The following TEX36 variants were observed in gnomAD, a reference collection of about 807,000 sequenced individuals.
TEX36 encodes testis expressed 36.
TEX36 carries 12 observed loss-of-function variants against 13.6 expected under a neutral mutation model. The ratio of observed to expected loss-of-function variants is 0.88; its 90% confidence interval spans 0.56 to 1.43. The LOEUF is 1.43. TEX36 is among the 40% of genes most tolerant of loss of function. TEX36 has a pLI of 0.00. For missense variants in TEX36, 224 were observed against 228.3 expected, an observed-to-expected ratio of 0.98 and a Z score of 0.12; for synonymous variants, 93 against 83.0, an observed-to-expected ratio of 1.12 and a Z score of -0.65.
At chr10:125,630,081 TACA>T (rs1846533815) in intron 3 of TEX36, among the ~76,000 whole-genome samples, 5 of 152,366 alleles carry the variant, frequency 3.3e-5, no homozygotes, top group East Asian at 1.9e-4. Flanking sequence ...TCTGATTCTT[TACA>T]ACAAGTGTTT....
intron 1 of TEX36, among the ~76,000 whole-genome samples, chr10:125,676,387 TG>T (rs970485719): frequency 1.3e-5 from 2 of 152,238 alleles, no homozygotes; most frequent in Admixed American, 6.5e-5. Context: ...TTTTTTTTAC[TG>T]TTCTTGACTT....
downstream of TEX36, among the ~76,000 whole-genome samples, chr10:125,655,393 C>T (rs1438835676): frequency 6.6e-6 from 1 of 152,018 alleles, no homozygotes; most frequent in Non-Finnish European, 1.5e-5. Flanking sequence ...TGCAATGAGT[C>T]GAGATGGTGC....
chr10:125,598,973 GA>G (rs1226864988), intron 3 of TEX36, among the ~76,000 whole-genome samples: 2 of 151,968 alleles, frequency 1.3e-5, no homozygotes, highest in African/African-American at 4.8e-5. Flanking sequence ...CCATAAATTG[GA>G]AATTTCCTCT....
chr10:125,674,624 A>G (rs1325940605), intron 1 of TEX36, among the ~76,000 whole-genome samples: 1 of 151,964 alleles, frequency 6.6e-6, no homozygotes, highest in African/African-American at 2.4e-5. Flanking sequence ...TTTTTTGTTG[A>G]TGCTATTGTT....
chr10:125,588,578 G>A (rs371584953), intron 3 of TEX36, among the ~76,000 whole-genome samples: 4 of 143,718 alleles, frequency 2.8e-5, no homozygotes, highest in African/African-American at 5.4e-5. Flanking sequence ...AGAAGCGGGA[G>A]GCCCCAGGCT....
intron 1 of TEX36, among the ~76,000 whole-genome samples, chr10:125,671,062 G>T (rs1325325298): frequency 6.6e-6 from 1 of 151,902 alleles, no homozygotes; most frequent in Non-Finnish European, 1.5e-5. Context: ...CTAGATATGG[G>T]ATCATGCCAT....
At position 125,665,317 on chromosome 10, in the gene TEX36, T is replaced by C. The variant is rs142987304; in HGVS notation, c.52-3340A>G. 4.0e-3 allele frequency among the ~76,000 whole-genome samples: 602 copies of C among 152,266 alleles called. 5 individuals carry two copies. The highest frequency in any genetic ancestry group is 0.013 in the African/African-American group (548 of 41,584). On this transcript the variant is annotated intron_variant, in intron 1 of 3. Coordinates refer to ENST00000368821, the MANE Select transcript of TEX36 (RefSeq NM_001128202.3). ...GGAGATCTTAGTCATAAATTTTTTG[T>C]CTAAACCAAGGTTCAGAAGAGTTTT...
chr10:125,655,479 T>C (rs917892891), downstream of TEX36, among the ~76,000 whole-genome samples: 4 of 152,178 alleles, frequency 2.6e-5, no homozygotes, highest in Non-Finnish European at 5.9e-5. Context: ...TTTTGCACTG[T>C]GTAACATAGT....
At chr10:125,596,123 G>A (rs1183074205) in intron 3 of TEX36, among the ~76,000 whole-genome samples, 3 of 152,226 alleles carry the variant, frequency 2.0e-5, no homozygotes, top group African/African-American at 7.2e-5. Context: ...CATGAGAAAT[G>A]TGCTGATGTA....
intron 3 of TEX36, among the ~76,000 whole-genome samples, chr10:125,616,335 T>C (rs1486324712): frequency 6.7e-6 from 1 of 149,266 alleles, no homozygotes; most frequent in African/African-American, 2.5e-5. Context: ...AGCTTTTGAA[T>C]GTGTTTGCTC....
chr10:125,630,750 G>A (rs1360370375), intron 3 of TEX36, among the ~76,000 whole-genome samples: 1 of 152,200 alleles, frequency 6.6e-6, no homozygotes, highest in African/African-American at 2.4e-5. Context: ...CTGCGAGCCA[G>A]TGTGGAGGGT....
downstream of TEX36, among the ~76,000 whole-genome samples, chr10:125,652,015 A>C (rs573102309): frequency 6.6e-6 from 1 of 152,376 alleles, no homozygotes; most frequent in African/African-American, 2.4e-5. Context: ...ATGGAAGAAC[A>C]TTCCATGCTC....
intron 3 of TEX36, among the ~76,000 whole-genome samples, chr10:125,624,549 G>A (rs2133562475): frequency 6.6e-6 from 1 of 152,142 alleles, no homozygotes; most frequent in East Asian, 1.9e-4. Context: ...GCCAGTCAGA[G>A]GTGCCATACA....
chr10:125,638,429 C>G (rs1037219771), intron 3 of TEX36, among the ~76,000 whole-genome samples: 1 of 152,138 alleles, frequency 6.6e-6, no homozygotes, highest in African/African-American at 2.4e-5. Flanking sequence ...GAGAAGGTCT[C>G]AGCTCAACGC....
Position 125,683,144 on chromosome 10 carries a change from C to T in TEX36, c.-155G>A, listed in dbSNP as rs1029508853. ...CTGATCTTTACTTCTCAGCCTCTTCCAGGAGGGGAAGGTGCGGGTGCCCAT... is the reference window on the plus strand; with the variant it reads ...CTGATCTTTACTTCTCAGCCTCTTCTAGGAGGGGAAGGTGCGGGTGCCCAT... On this transcript the variant is annotated 5_prime_UTR_variant, in exon 1 of 4. Transcript: ENST00000368821. 4.4e-5 allele frequency: 38 copies of T among 868,774 alleles called. No individual in the cohort carries two copies. The East Asian group carries it at 1.0e-3, about 23-fold the overall frequency. 53.8% of individuals were successfully genotyped at this position (868,774 alleles called of 1,614,324 possible). A position where few individuals can be genotyped will look rare whatever the true frequency, so the allele number is the denominator to read the frequency against.
At chr10:125,625,704 A>T (rs1846478721) in intron 3 of TEX36, among the ~76,000 whole-genome samples, 1 of 152,242 alleles carries the variant, frequency 6.6e-6, no homozygotes, top group African/African-American at 2.4e-5. Flanking sequence ...GCAACCTCTC[A>T]CAGAGAGCAA....
intron 3 of TEX36, among the ~76,000 whole-genome samples, chr10:125,629,437 A>T (rs1242629887): frequency 6.6e-6 from 1 of 152,180 alleles, no homozygotes; most frequent in African/African-American, 2.4e-5. Flanking sequence ...AAATCAGTGT[A>T]ATTGCTTCTT....
At chr10:125,622,954 G>C (rs1245578940) in intron 3 of TEX36, among the ~76,000 whole-genome samples, 1 of 152,158 alleles carries the variant, frequency 6.6e-6, no homozygotes, top group Non-Finnish European at 1.5e-5. Context: ...AGACCTCTAG[G>C]CTTGCAGAAC....
chr10:125,590,770 T>C (rs962393170), intron 3 of TEX36, among the ~76,000 whole-genome samples: 15 of 152,210 alleles, frequency 9.9e-5, no homozygotes, highest in Non-Finnish European at 1.8e-4. Flanking sequence ...TGATTTACTT[T>C]GTGTTGATCT....
Sources: allele counts gnomAD v4.1 joint callset (sites outside exome capture counted in the v4.1 genomes callset), GRCh38; gene constraint gnomAD v4.1.1; transcripts MANE v1.5; gene names NCBI Gene and HGNC (gene_info 2026-07-23, HGNC 2026-07-21).